The following LRP1B variants were observed in gnomAD, a reference collection of about 807,000 sequenced individuals.
The protein encoded by LRP1B is low-density lipoprotein receptor-related protein 1B.
A neutral mutation model predicts 556.6 loss-of-function variants in LRP1B; 217 were observed. The ratio of observed to expected loss-of-function variants is 0.39; its 90% CI spans 0.35 to 0.44. The LOEUF (loss-of-function observed/expected upper bound fraction) is 0.44, where lower values mean the gene tolerates loss of function less well. Among genes scored for constraint, LRP1B ranks in the 20% least tolerant of loss-of-function variants. The pLI, the probability that LRP1B is intolerant of heterozygous loss-of-function variation, is 1.00. For synonymous variants in LRP1B, 2,047 were observed against 1,865.8 expected (o/e 1.10, Z -2.50); for missense variants, 5,053 against 5,620.8 (o/e 0.90, Z 3.23).
At position 141,996,971 on chromosome 2, in the gene LRP1B, T is replaced by TA. The variant is rs1478515133; in HGVS notation, c.82+133676dup. Among the ~76,000 whole-genome samples the TA allele has an allele frequency of 2.0e-5, 3 of 152,292 alleles. No homozygotes were observed. The East Asian group carries it at 5.8e-4, about 29-fold the overall frequency. ...AATGTATCAAATTGTATAGGTTTCTTAGAGTTTATCACCTGTAGAAGTGGG... is the reference window on the plus strand; with the variant it reads ...AATGTATCAAATTGTATAGGTTTCTTAAGAGTTTATCACCTGTAGAAGTGGG... On this transcript the variant is annotated intron_variant, in intron 1 of 90. Transcript: ENST00000389484.
At chr2:140,394,860 T>C (rs1281721910) in intron 66 of LRP1B, among the ~76,000 whole-genome samples, 1 of 152,142 alleles carries the variant, frequency 6.6e-6, no homozygotes. Context: ...AGATTGTAAG[T>C]ATCATAACCT....
chr2:141,675,961 A>G (rs1209393381), intron 2 of LRP1B, among the ~76,000 whole-genome samples: 1 of 152,082 alleles, frequency 6.6e-6, no homozygotes, highest in Non-Finnish European at 1.5e-5. Flanking sequence ...AGTTAGCAAG[A>G]TTATTAATGA....
chr2:142,124,764 G>A (rs1317236046), intron 1 of LRP1B, among the ~76,000 whole-genome samples: 2 of 151,752 alleles, frequency 1.3e-5, no homozygotes, highest in Non-Finnish European at 3.0e-5. Context: ...AGACACAACA[G>A]CAAAAGCACA....
rs1680622288 is a variant in LRP1B at position 140,234,781 on chromosome 2, C to T, written c.13659+5G>A. On this transcript the variant is annotated splice_donor_5th_base_variant and intron_variant, in intron 90 of 90. Transcript: ENST00000389484. ...GACATGAAATAACGAATATTCTTCT[C>T]TCACCCCAGCAGTTAGTGGTCCTTT... 1.3e-6 allele frequency: 1 copy of T among 772,570 alleles called. No individual in the cohort carries two copies. Among genetic ancestry groups the T allele is most frequent in the South Asian group, 1.4e-5 (1 of 73,992 alleles). 47.9% of individuals were successfully genotyped at this position (772,570 alleles called of 1,614,324 possible).
chr2:141,180,479 T>A (rs1021918443), intron 7 of LRP1B, among the ~76,000 whole-genome samples: 1 of 151,976 alleles, frequency 6.6e-6, no homozygotes, highest in Non-Finnish European at 1.5e-5. Flanking sequence ...TCAAGGTCAC[T>A]TGAGACTCAC....
At chr2:140,921,586 A>G (rs1694737875) in intron 21 of LRP1B, among the ~76,000 whole-genome samples, 1 of 152,016 alleles carries the variant, frequency 6.6e-6, no homozygotes, top group African/African-American at 2.4e-5. Flanking sequence ...ATGTTCCAAA[A>G]AGACCATTTC....
intron 5 of LRP1B, among the ~76,000 whole-genome samples, chr2:141,244,591 T>A (rs1684001105): frequency 1.3e-5 from 2 of 152,160 alleles, no homozygotes; most frequent in South Asian, 4.1e-4. Flanking sequence ...CATTACTGTA[T>A]AACAAAACTA....
intron 2 of LRP1B, among the ~76,000 whole-genome samples, chr2:141,636,525 A>G (rs144619180): frequency 6.5e-4 from 99 of 152,278 alleles, no homozygotes; most frequent in African/African-American, 2.1e-3. Flanking sequence ...ATAATGTGCA[A>G]TATGTATCAA....
intron 2 of LRP1B, among the ~76,000 whole-genome samples, chr2:141,642,102 A>T (rs900667080): frequency 5.9e-5 from 9 of 152,152 alleles, no homozygotes; most frequent in Admixed American, 4.6e-4. Flanking sequence ...AACGAAGCTC[A>T]TTTTTAAAAA....
intron 1 of LRP1B, among the ~76,000 whole-genome samples, chr2:142,127,405 T>TCCA (rs1707693948): frequency 2.6e-5 from 4 of 151,648 alleles, no homozygotes; most frequent in Admixed American, 6.6e-5. Flanking sequence ...CATCCATCCA[T>TCCA]TCATCTTTTT....
chr2:140,855,493 G>GGAAAAAAAAAAAAAAAAAAAAAAA lies in LRP1B; in HGVS notation c.4580-3711_4580-3710insTTTTTTTTTTTTTTTTTTTTTTTC, dbSNP rs570169727. 1.2e-4 allele frequency among the ~76,000 whole-genome samples: 12 copies of GGAAAAAAAAAAAAAAAAAAAAAAA among 99,410 alleles called. No homozygotes were observed. In the East Asian group the frequency reaches 1.5e-3, roughly 13 times the overall value. 65.2% of individuals were successfully genotyped at this position (99,410 alleles called of 152,430 possible). On this transcript the variant is annotated intron_variant, in intron 27 of 90. Transcript: ENST00000389484. ...GACAGGTAGGTCCCATCTCTACTGG[G>GGAAAAAAAAAAAAAAAAAAAAAAA]AAAAAAAAAAAATTTGAATGGCTTC... is the stretch of plus-strand genomic sequence containing the variant.
chr2:141,833,956 AC>A (rs1306580525), intron 1 of LRP1B, among the ~76,000 whole-genome samples: 5,417 of 151,816 alleles, frequency 0.036, 315 homozygotes, highest in African/African-American at 0.12. Flanking sequence ...AAAACTTACC[AC>A]TTGAAGAGGA....
rs1014343191 is a variant in LRP1B, at chr2:141,072,292, A to G, written c.1014-10019T>C. ...ACCCATCCTTGAAGAATCATCTACA[A>G]TCTTCTGATTCTTGTATGTCATTAT... On this transcript the variant is annotated intron_variant, in intron 7 of 90. Coordinates refer to ENST00000389484, the MANE Select transcript of LRP1B (RefSeq NM_018557.3). Among the ~76,000 whole-genome samples, 8 of 152,174 alleles carry G rather than the reference A, an allele frequency of 5.3e-5. No homozygotes were observed. In the East Asian group the frequency reaches 1.5e-3, roughly 29 times the overall value.
chr2:142,111,446 C>T (rs528127238), intron 1 of LRP1B, among the ~76,000 whole-genome samples: 17 of 152,210 alleles, frequency 1.1e-4, no homozygotes, highest in Non-Finnish European at 2.2e-4. Flanking sequence ...CCTGCGCATA[C>T]ATTTCTCTCC....
chr2:141,342,903 C>T (rs770460730), intron 3 of LRP1B, among the ~76,000 whole-genome samples: 1 of 152,028 alleles, frequency 6.6e-6, no homozygotes, highest in Non-Finnish European at 1.5e-5. Flanking sequence ...AGAAGAGCAA[C>T]CCCAAGACAC....
At chr2:141,805,583 G>A (rs956321823) in intron 2 of LRP1B, 3 of 152,076 alleles carry the variant, frequency 2.0e-5, no homozygotes, top group African/African-American at 7.2e-5. Flanking sequence ...CAGTGCCTGA[G>A]CACAGACCTG....
intron 3 of LRP1B, among the ~76,000 whole-genome samples, chr2:141,409,275 C>T (rs1024444225): frequency 6.6e-6 from 1 of 152,158 alleles, no homozygotes; most frequent in African/African-American, 2.4e-5. Context: ...AAACTGCAGA[C>T]TTTTCATACA....
intron 1 of LRP1B, among the ~76,000 whole-genome samples, chr2:141,890,458 A>G (rs1699258270): frequency 6.7e-6 from 1 of 150,030 alleles, no homozygotes; most frequent in Non-Finnish European, 1.5e-5. Flanking sequence ...CTAACAAAAA[A>G]ATGTCCTATT....
intron 11 of LRP1B, among the ~76,000 whole-genome samples, chr2:141,032,010 T>C (rs979264435): frequency 3.9e-5 from 6 of 152,168 alleles, no homozygotes; most frequent in Admixed American, 3.9e-4. Flanking sequence ...TAAGAATGTA[T>C]ATCATGTTGT....
Sources: gnomAD v4.1 joint callset for allele counts (sites outside exome capture counted in the v4.1 genomes callset) on GRCh38, gnomAD v4.1.1 for gene constraint, MANE v1.5 for transcripts, NCBI Gene and HGNC (gene_info 2026-07-23, HGNC 2026-07-21) for gene names.